The following BLTP1 variants were observed in gnomAD, a reference collection of about 807,000 sequenced individuals.
BLTP1 encodes fragile site-associated protein.
At chr4:122,351,354 C>CTGTA in the BLTP1 span, 1 of 295,696 alleles carries the variant, frequency 3.4e-6, no homozygotes, top group East Asian at 1.7e-4. Context: ...TTCTGTGTAT[C>CTGTA]TGTATATATG....
At chr4:122,179,302 T>C in the BLTP1 span, among the ~76,000 whole-genome samples, 2 of 152,182 alleles carry the variant, frequency 1.3e-5, no homozygotes, top group African/African-American at 4.8e-5. Context: ...AATAGATAAA[T>C]GCACTGCTTG....
the BLTP1 span, chr4:122,167,948 A>C: frequency 1.1e-6 from 1 of 947,770 alleles, no homozygotes; most frequent in Non-Finnish European, 1.3e-6. Flanking sequence ...CCAGTCTCTC[A>C]CTATTAAGGA....
At chr4:122,164,441 T>C in the BLTP1 span, 1 of 984,008 alleles carries the variant, frequency 1.0e-6, no homozygotes, top group Non-Finnish European at 1.2e-6. Context: ...CAGAATCTCC[T>C]TCCACTGATT....
the BLTP1 span, chr4:122,280,111 C>A: frequency 1.3e-6 from 2 of 1,523,940 alleles, no homozygotes; most frequent in African/African-American, 1.4e-5. Flanking sequence ...GACAGTGGAG[C>A]AAGAGGAGAG....
the BLTP1 span, chr4:122,313,789 T>TA: frequency 6.7e-4 from 430 of 640,934 alleles, no homozygotes; most frequent in Middle Eastern, 2.3e-3. Context: ...TTCACTAATT[T>TA]AAAAAAAAAC....
the BLTP1 span, chr4:122,242,892 TATATC>T: frequency 1.4e-6 from 1 of 723,036 alleles, no homozygotes; most frequent in South Asian, 2.1e-5. Context: ...TTATATCAAA[TATATC>T]AAAATCATAT....
At chr4:122,319,729 C>T in the BLTP1 span, among the ~76,000 whole-genome samples, 1,043 of 151,682 alleles carry the variant, frequency 6.9e-3, 11 homozygotes, top group African/African-American at 0.024. Context: ...TTAGTAGAGA[C>T]GGGGTTTCAC....
the BLTP1 span, among the ~76,000 whole-genome samples, chr4:122,228,366 C>G: frequency 6.6e-6 from 1 of 152,242 alleles, no homozygotes; most frequent in African/African-American, 2.4e-5. Context: ...TTTCTATCAC[C>G]TTAGAAAATT....
chr4:122,261,926 AGAG>A, the BLTP1 span: 1 of 985,250 alleles, frequency 1.0e-6, no homozygotes, highest in Non-Finnish European at 1.2e-6. Context: ...TCTGCTTTTC[AGAG>A]GAGGTTAAGA....
chr4:122,234,707 A>T, the BLTP1 span: 8 of 1,492,028 alleles, frequency 5.4e-6, no homozygotes, highest in Non-Finnish European at 7.2e-6. Context: ...TCTATCAAAA[A>T]GTTTTTCATT....
the BLTP1 span, chr4:122,347,451 CTTATT>C: frequency 6.5e-7 from 1 of 1,528,892 alleles, no homozygotes; most frequent in Non-Finnish European, 8.8e-7. Context: ...GATGGGTGAA[CTTATT>C]TTATAACATA....
chr4:122,353,956 A>G, the BLTP1 span: 2 of 1,613,442 alleles, frequency 1.2e-6, no homozygotes, highest in African/African-American at 2.7e-5. The surrounding 1 kb of genome is among the most constrained non-coding windows in gnomAD (Gnocchi z 4.3). Flanking sequence ...ATGAAAATCC[A>G]CCCCATGGAG....
the BLTP1 span, chr4:122,189,811 A>G: frequency 2.2e-6 from 2 of 910,122 alleles, no homozygotes; most frequent in Non-Finnish European, 2.6e-6. Context: ...AGAATAAAAC[A>G]TGGAACAATT....
the BLTP1 span, among the ~76,000 whole-genome samples, chr4:122,161,720 C>T: frequency 6.6e-6 from 1 of 152,140 alleles, no homozygotes; most frequent in African/African-American, 2.4e-5. Flanking sequence ...CCACAACACT[C>T]AACCAGAGAA....
the BLTP1 span, among the ~76,000 whole-genome samples, chr4:122,173,846 T>C: frequency 6.6e-6 from 1 of 152,172 alleles, no homozygotes; most frequent in Non-Finnish European, 1.5e-5. Flanking sequence ...AACTTGGATA[T>C]GTATTAAATG....
the BLTP1 span, chr4:122,249,352 T>A: frequency 1.4e-6 from 2 of 1,385,536 alleles, no homozygotes; most frequent in Non-Finnish European, 1.9e-6. Context: ...CATTTGCCTG[T>A]TTTTCTATCT....
the BLTP1 span, chr4:122,237,640 C>A: frequency 1.3e-6 from 1 of 764,756 alleles, no homozygotes; most frequent in Non-Finnish European, 1.6e-6. Flanking sequence ...TGTTTATGGG[C>A]CTGGGATCTA....
chr4:122,218,147 G>C, the BLTP1 span, among the ~76,000 whole-genome samples: 2 of 148,934 alleles, frequency 1.3e-5, no homozygotes, highest in African/African-American at 2.5e-5. Flanking sequence ...ATTTTTTTTT[G>C]TCTTGTCAAA....
At chr4:122,191,826 T>A in the BLTP1 span, among the ~76,000 whole-genome samples, 33 of 152,118 alleles carry the variant, frequency 2.2e-4, no homozygotes, top group Non-Finnish European at 4.4e-4. Context: ...GCTATGAGAA[T>A]CCACCTGTTT....
Sources: allele counts gnomAD v4.1 joint callset (sites outside exome capture counted in the v4.1 genomes callset), GRCh38; gene constraint gnomAD v4.1.1; non-coding constraint Gnocchi (gnomAD v3.1); transcripts MANE v1.5; gene names NCBI Gene and HGNC (gene_info 2026-07-23, HGNC 2026-07-21).